The following UVRAG variants were observed in gnomAD, a reference collection of about 807,000 sequenced individuals.
UVRAG encodes UV radiation resistance-associated gene protein.
UVRAG carries 19 observed loss-of-function variants against 78.0 expected under a neutral mutation model. That is an observed-to-expected ratio of 0.24 (90% CI 0.17 to 0.36). The LOEUF (loss-of-function observed/expected upper bound fraction) is 0.36. Ranked by LOEUF, UVRAG falls within the 10% of genes least tolerant of loss-of-function variation. The pLI, the probability that UVRAG is intolerant of heterozygous loss-of-function variation, is 1.00. For missense variants in UVRAG, 740 were observed against 853.8 expected (o/e 0.87, Z 1.66); for synonymous variants, 323 against 324.6 (o/e 1.00, Z 0.05).
chr11:75,850,922 G>A (rs1441315346), intron 1 of UVRAG, among the ~76,000 whole-genome samples: 1 of 152,188 alleles, frequency 6.6e-6, no homozygotes, highest in African/African-American at 2.4e-5. Context: ...GTATGTGCAC[G>A]GGAAAAAGAC....
chr11:76,015,721 C>T (rs1267737524), intron 11 of UVRAG, among the ~76,000 whole-genome samples: 1 of 152,112 alleles, frequency 6.6e-6, no homozygotes, highest in Admixed American at 6.6e-5. Flanking sequence ...AGTGGCACTT[C>T]TACCATAAGA....
intron 13 of UVRAG, among the ~76,000 whole-genome samples, chr11:76,076,818 T>TTATG (rs1951412675): frequency 6.6e-6 from 1 of 150,838 alleles, no homozygotes; most frequent in African/African-American, 2.5e-5. Context: ...ATTTATTTAT[T>TTATG]TATTTATTTA....
At chr11:75,950,195 T>C (rs1203074126) in intron 6 of UVRAG, among the ~76,000 whole-genome samples, 1 of 152,230 alleles carries the variant, frequency 6.6e-6, no homozygotes, top group East Asian at 1.9e-4. Flanking sequence ...TTGGCTATTA[T>C]AAATAAAGCC....
intron 5 of UVRAG, among the ~76,000 whole-genome samples, chr11:75,899,379 A>T (rs1407604366): frequency 6.6e-6 from 1 of 152,092 alleles, no homozygotes; most frequent in Non-Finnish European, 1.5e-5. Context: ...TACCATTGCC[A>T]GTTTTCATTT....
chr11:75,963,441 A>G (rs564275533), intron 7 of UVRAG, among the ~76,000 whole-genome samples: 48 of 152,366 alleles, frequency 3.2e-4, no homozygotes, highest in Admixed American at 2.6e-4. Context: ...TGCCATCTAC[A>G]TGTTAATTAG....
intron 13 of UVRAG, among the ~76,000 whole-genome samples, chr11:76,104,710 T>C (rs953808915): frequency 8.5e-5 from 13 of 152,220 alleles, no homozygotes; most frequent in African/African-American, 2.9e-4. Flanking sequence ...AATTCAGTAA[T>C]TATTTATTAC....
intron 7 of UVRAG, among the ~76,000 whole-genome samples, chr11:75,968,359 A>G (rs946280438): frequency 2.6e-5 from 4 of 152,212 alleles, no homozygotes; most frequent in African/African-American, 9.6e-5. Flanking sequence ...GTAAACAGAT[A>G]AATAGAACAC....
chr11:76,074,060 A>G (rs1951363070), intron 13 of UVRAG, among the ~76,000 whole-genome samples: 1 of 152,192 alleles, frequency 6.6e-6, no homozygotes, highest in African/African-American at 2.4e-5. Context: ...TAAAAATATT[A>G]TTTATATTAA....
At chr11:76,096,212 A>G (rs886153268) in intron 13 of UVRAG, among the ~76,000 whole-genome samples, 2 of 152,216 alleles carry the variant, frequency 1.3e-5, no homozygotes, top group Non-Finnish European at 2.9e-5. Flanking sequence ...TGGGGAAACC[A>G]AGGATCCCTT....
At chr11:75,972,410 A>G (rs1591078634) in intron 7 of UVRAG, among the ~76,000 whole-genome samples, 2 of 152,142 alleles carry the variant, frequency 1.3e-5, no homozygotes, top group East Asian at 1.9e-4. Flanking sequence ...TAAGACCTGT[A>G]TCTAGATTGA....
intron 9 of UVRAG, among the ~76,000 whole-genome samples, chr11:76,004,950 G>A (rs1328358245): frequency 2.0e-5 from 3 of 152,028 alleles, no homozygotes; most frequent in Non-Finnish European, 2.9e-5. Flanking sequence ...TGCTTAATTC[G>A]TTGGTACCTC....
At chr11:76,085,927 C>G (rs2134418312) in intron 13 of UVRAG, among the ~76,000 whole-genome samples, 1 of 152,276 alleles carries the variant, frequency 6.6e-6, no homozygotes, top group South Asian at 2.1e-4. Context: ...CACCCCATGC[C>G]TGCTGACACC....
chr11:75,832,666 AAC>A (rs750357724), intron 1 of UVRAG, among the ~76,000 whole-genome samples: 40 of 152,294 alleles, frequency 2.6e-4, no homozygotes, highest in Non-Finnish European at 4.3e-4. Context: ...GTTGGTGATT[AAC>A]ACAATCTCCA....
At chr11:75,847,846 C>T (rs944496702) in intron 1 of UVRAG, among the ~76,000 whole-genome samples, 2 of 151,754 alleles carry the variant, frequency 1.3e-5, no homozygotes, top group Non-Finnish European at 2.9e-5. Context: ...TGGTATGCGC[C>T]TACAGTCCCA....
intron 8 of UVRAG, among the ~76,000 whole-genome samples, chr11:75,997,046 T>C (rs1452386085): frequency 1.3e-5 from 2 of 152,202 alleles, no homozygotes; most frequent in Admixed American, 6.5e-5. Context: ...GTGCAATATA[T>C]TAAATATCAT....
At chr11:76,073,222 T>C (rs1184923259) in intron 13 of UVRAG, among the ~76,000 whole-genome samples, 1 of 152,196 alleles carries the variant, frequency 6.6e-6, no homozygotes, top group African/African-American at 2.4e-5. Flanking sequence ...CATAAATCAC[T>C]TCTGCTGCAT....
chr11:75,850,050 G>A (rs1396365717), intron 1 of UVRAG, among the ~76,000 whole-genome samples: 1 of 150,852 alleles, frequency 6.6e-6, no homozygotes, highest in African/African-American at 2.5e-5. Flanking sequence ...TGAAGTGGTG[G>A]CCTGCAATCA....
At chr11:75,883,830 C>A (rs1947011109) in intron 4 of UVRAG, among the ~76,000 whole-genome samples, 2 of 152,016 alleles carry the variant, frequency 1.3e-5, no homozygotes, top group African/African-American at 4.8e-5. Context: ...TAAAATCCAC[C>A]CTTTTTAAAG....
intron 3 of UVRAG, among the ~76,000 whole-genome samples, chr11:75,863,575 G>T (rs1344479557): frequency 6.6e-6 from 1 of 152,024 alleles, no homozygotes; most frequent in Non-Finnish European, 1.5e-5. Context: ...TCTTCCCTTG[G>T]CTCCCAAATC....
Sources: allele counts gnomAD v4.1 joint callset (sites outside exome capture counted in the v4.1 genomes callset), GRCh38; gene constraint gnomAD v4.1.1; transcripts MANE v1.5; gene names NCBI Gene and HGNC (gene_info 2026-07-23, HGNC 2026-07-21).